PRR33: variants seen among roughly 807,000 people sequenced by gnomAD.
PRR33 encodes proline-rich protein 33.
PRR33 carries 1 observed loss-of-function variant against 0.5 expected under a neutral mutation model. That is an observed-to-expected ratio of 2.18 (90% confidence interval 0.77 to 10.34). The LOEUF (loss-of-function observed/expected upper bound fraction) is 10.34, where lower values mean the gene tolerates loss of function less well. Ranked by LOEUF, PRR33 falls within the 30% of genes most tolerant of loss-of-function variation. The pLI is 0.13. For missense variants in PRR33, 552 were observed against 251.8 expected (o/e 2.19, Z -8.07); for synonymous variants, 226 against 110.0 (o/e 2.06, Z -6.60).
Position 1,889,628 on chromosome 11 carries a change from G to A in PRR33, c.957C>T (p.Thr319=), listed in dbSNP as rs995137762. ...GGCATGGGTGAGGGCCTGATGGTGG[G>A]GTAGGGGATGAGGCCCAGGCAGGGC... is the stretch of plus-strand genomic sequence containing the variant. The change falls in exon 1 of 1, where the codon ACC becomes ACT. Residue 319 remains threonine (T), a synonymous_variant. Transcript: ENST00000640310. 140 of 615,310 alleles carry A rather than the reference G, an allele frequency of 2.3e-4. No homozygotes were observed. The African/African-American group carries it at 2.4e-3, about 11-fold the overall frequency. The allele number at this position is 615,310 out of a possible 1,614,324, so 38.1% of individuals were successfully genotyped here. A position where few individuals can be genotyped will look rare whatever the true frequency, so the allele number is the denominator to read the frequency against.
the PRR33 span, among the ~76,000 whole-genome samples, chr11:1,897,498 C>A: frequency 6.6e-6 from 1 of 152,176 alleles, no homozygotes; most frequent in African/African-American, 2.4e-5. This position sits in a 1 kb window ranked among gnomAD's most constrained non-coding sequence, Gnocchi z 4.0. Flanking sequence ...CGTAAAGCTT[C>A]GGTTTGATGG....
At chr11:1,911,202 T>C in the PRR33 span, among the ~76,000 whole-genome samples, 1 of 152,200 alleles carries the variant, frequency 6.6e-6, no homozygotes, top group African/African-American at 2.4e-5. Context: ...CCCAGCACTT[T>C]GTGGGGCTGA....
At chr11:1,905,454 T>C in the PRR33 span, among the ~76,000 whole-genome samples, 41 of 114,752 alleles carry the variant, frequency 3.6e-4, no homozygotes, top group East Asian at 3.7e-3. Context: ...TTTTTTTTTT[T>C]CTGAGACAGA....
the PRR33 span, among the ~76,000 whole-genome samples, chr11:1,910,135 A>G: frequency 6.6e-6 from 1 of 152,180 alleles, no homozygotes; most frequent in Non-Finnish European, 1.5e-5. Flanking sequence ...CTCTTGGTGA[A>G]TGTGTGGAGG....
the PRR33 span, among the ~76,000 whole-genome samples, chr11:1,914,374 TTA>T: frequency 4.1e-5 from 6 of 147,930 alleles, no homozygotes; most frequent in Non-Finnish European, 7.4e-5. Flanking sequence ...ATGTTGCTCC[TTA>T]TGTGTGTGTG....
the PRR33 span, chr11:1,903,081 T>C: frequency 6.6e-6 from 1 of 152,168 alleles, no homozygotes; most frequent in Non-Finnish European, 1.5e-5. Flanking sequence ...CTGTATCTTG[T>C]GCCGACCTCC....
the PRR33 span, among the ~76,000 whole-genome samples, chr11:1,907,220 A>C: frequency 6.6e-6 from 1 of 152,114 alleles, no homozygotes; most frequent in Non-Finnish European, 1.5e-5. Context: ...AGTCCCTGCT[A>C]CCCCATCTCA....
chr11:1,895,041 C>T (rs912293609), upstream of PRR33, among the ~76,000 whole-genome samples: 2 of 152,232 alleles, frequency 1.3e-5, no homozygotes, highest in African/African-American at 2.4e-5. Context: ...ACCACTGATA[C>T]ATCTTGCTGG....
chr11:1,892,833 T>A (rs529164165), upstream of PRR33, among the ~76,000 whole-genome samples: 1 of 150,236 alleles, frequency 6.7e-6, no homozygotes, highest in South Asian at 2.1e-4. Flanking sequence ...GATGATCAGA[T>A]GAATGGATGG....
the PRR33 span, among the ~76,000 whole-genome samples, chr11:1,910,765 A>G: frequency 9.2e-5 from 14 of 152,144 alleles, no homozygotes; most frequent in East Asian, 1.7e-3. Flanking sequence ...GCAGAAATGA[A>G]CTTTTCCTTC....
At chr11:1,905,119 A>ATT in the PRR33 span, among the ~76,000 whole-genome samples, 1 of 115,242 alleles carries the variant, frequency 8.7e-6, no homozygotes, top group African/African-American at 3.3e-5. Context: ...TTGCTTGAGA[A>ATT]TTCTTTTTTT....
At chr11:1,890,388 A>G (rs936942628) in exon 1 of PRR33, 6 of 716,804 alleles carry the variant, frequency 8.4e-6, no homozygotes, top group Non-Finnish European at 1.3e-5. Flanking sequence ...CACGGGGGAC[A>G]GGGAGGTGCG....
At chr11:1,889,924 G>A in exon 1 of PRR33, 1 of 629,748 alleles carries the variant, frequency 1.6e-6, no homozygotes, top group Non-Finnish European at 2.9e-6. Flanking sequence ...GGGACCAGGG[G>A]CTGGGCCCTG....
the PRR33 span, among the ~76,000 whole-genome samples, chr11:1,901,464 T>C: frequency 6.6e-6 from 1 of 152,314 alleles, no homozygotes; most frequent in South Asian, 2.1e-4. Context: ...CAGACACAGA[T>C]AGAAACAGAT....
the PRR33 span, among the ~76,000 whole-genome samples, chr11:1,910,597 A>T: frequency 6.6e-6 from 1 of 152,166 alleles, no homozygotes; most frequent in African/African-American, 2.4e-5. Context: ...GTAATCAATC[A>T]GGTGGTTCTT....
chr11:1,897,728 T>C, the PRR33 span, among the ~76,000 whole-genome samples: 3 of 152,364 alleles, frequency 2.0e-5, no homozygotes, highest in East Asian at 5.8e-4. The surrounding 1 kb of genome is among the most constrained non-coding windows in gnomAD (Gnocchi z 4.0). Flanking sequence ...ATGTCATTCG[T>C]ACCTAGGTTA....
the PRR33 span, among the ~76,000 whole-genome samples, chr11:1,902,093 G>T: frequency 1.3e-5 from 2 of 152,106 alleles, no homozygotes; most frequent in Admixed American, 6.6e-5. Flanking sequence ...TTAGCCGGGC[G>T]TGGTGGCGGG....
the PRR33 span, among the ~76,000 whole-genome samples, chr11:1,908,323 C>T: frequency 6.7e-6 from 1 of 150,052 alleles, no homozygotes; most frequent in African/African-American, 2.5e-5. Flanking sequence ...CCCGCCCACC[C>T]CCACCCCCAA....
chr11:1,915,818 A>G, the PRR33 span, among the ~76,000 whole-genome samples: 2 of 149,698 alleles, frequency 1.3e-5, no homozygotes, highest in African/African-American at 5.0e-5. Context: ...GGATGGATGC[A>G]TGAATGGGTA....
Sources: gnomAD v4.1 joint callset for allele counts (sites outside exome capture counted in the v4.1 genomes callset) on GRCh38, gnomAD v4.1.1 for gene constraint, Gnocchi (gnomAD v3.1) non-coding constraint, MANE v1.5 for transcripts, NCBI Gene and HGNC (gene_info 2026-07-23, HGNC 2026-07-21) for gene names.